WDR75: variants seen among roughly 807,000 people sequenced by gnomAD.
WDR75 encodes WD repeat domain 75.
A neutral mutation model predicts 106.1 loss-of-function variants in WDR75; 52 were observed. The observed-to-expected ratio is 0.49, with a 90% CI of 0.39 to 0.62. The LOEUF (loss-of-function observed/expected upper bound fraction) is 0.62. WDR75 is among the 20% of genes least tolerant of loss of function. WDR75 has a pLI of 0.00. For missense variants in WDR75, 905 were observed against 970.3 expected, an observed-to-expected ratio of 0.93 and a Z score of 0.89; for synonymous variants, 333 against 335.5, an observed-to-expected ratio of 0.99 and a Z score of 0.08.
rs201542295 is a variant in WDR75 at position 189,465,061 on chromosome 2, G to T, written c.1114-18G>T. 6.4e-3 allele frequency: 9,787 copies of T among 1,535,452 alleles called. 35 individuals carry two copies. Among genetic ancestry groups the T allele is most frequent in the Non-Finnish European group, 7.5e-3 (8,583 of 1,139,226 alleles). On this transcript the variant is annotated intron_variant, in intron 11 of 20. Coordinates refer to ENST00000314761, the MANE Select transcript of WDR75 (RefSeq NM_032168.3). ...TGTTAATAAACATTTTGGTTTTTTGGTTTTTTTTACTCATCAGTTAGATAT... is the reference window on the plus strand; with the variant it reads ...TGTTAATAAACATTTTGGTTTTTTGTTTTTTTTTACTCATCAGTTAGATAT...
chr2:189,449,495 T>C lies in WDR75; in HGVS notation c.216+987T>C, dbSNP rs147068446. The C allele has an allele frequency of 1.6e-4, 173 of 1,098,356 alleles. 1 individual carries two copies. In the African/African-American group the frequency reaches 2.6e-3, roughly 17 times the overall value. 68.0% of individuals were successfully genotyped at this position (1,098,356 alleles called of 1,614,324 possible). A position where few individuals can be genotyped will look rare whatever the true frequency, so the allele number is the denominator to read the frequency against. On this transcript the variant is annotated intron_variant, in intron 2 of 20. Transcript: ENST00000314761. ...TTTTAATAGCAAAACTATTATTTTG[T>C]TAAAATTGAAATTTGTGAAGTCCAT...
chr2:189,442,442 C>CTTTTTTTTTTTTTTTTTTTTTTTTTT (rs1188214718), intron 1 of WDR75, among the ~76,000 whole-genome samples: 2 of 73,900 alleles, frequency 2.7e-5, no homozygotes, highest in Non-Finnish European at 4.8e-5. Flanking sequence ...CCACAATATT[C>CTTTTTTTTTTTTTTTTTTTTTTTTTT]TTTTTTTTTT....
At chr2:189,474,643 GA>G in intron 19 of WDR75, 73 bp from the exon 20 acceptor site, 1 of 1,298,618 alleles carries the variant, frequency 7.7e-7, no homozygotes, top group Non-Finnish European at 1.1e-6. Flanking sequence ...GGGACTCCGT[GA>G]GGACACTGTA....
In WDR75 at chr2:189,451,805, A is replaced by G. The variant is rs1558982384; in HGVS notation, c.283A>G (p.Thr95Ala). 2.5e-6 allele frequency: 4 copies of G among 1,613,064 alleles called. No homozygotes were observed. The highest frequency in any genetic ancestry group is 2.5e-6 in the Non-Finnish European group (3 of 1,179,322). ...WDYIDGILIK[T>A]FIVGCKLHAL... The stretch of plus-strand genomic sequence containing the variant: ...CACTATGGTGCTCTTTATCTTTCAG[A>G]CTTTCATAGTTGGATGTAAACTTCA... Residue 95 changes from threonine (T) to alanine (A), a missense_variant and splice_region_variant, in exon 4 of 21, where the codon ACT (threonine) becomes GCT (alanine). Transcript: ENST00000314761.
intron 1 of WDR75, among the ~76,000 whole-genome samples, chr2:189,444,996 A>C (rs754825724): frequency 1.3e-5 from 2 of 152,146 alleles, no homozygotes; most frequent in African/African-American, 4.8e-5. Flanking sequence ...TCACTTTCTC[A>C]ACAAAGATGA....
intron 18 of WDR75, among the ~76,000 whole-genome samples, chr2:189,473,326 AG>A (rs1687151830): frequency 1.3e-5 from 2 of 152,340 alleles, no homozygotes; most frequent in African/African-American, 4.8e-5. Flanking sequence ...AAGGAAGAGA[AG>A]GAGTTGATCT....
intron 2 of WDR75, chr2:189,450,532 G>A: frequency 1.0e-6 from 1 of 974,096 alleles, no homozygotes; most frequent in Non-Finnish European, 1.2e-6. Context: ...GGCCAGGCTG[G>A]TCTCGAACTC....
intron 14 of WDR75, among the ~76,000 whole-genome samples, 184 bp downstream of exon 14, chr2:189,467,832 T>C (rs1687033874): frequency 6.6e-6 from 1 of 152,162 alleles, no homozygotes; most frequent in African/African-American, 2.4e-5. Flanking sequence ...TTTCTGAAAT[T>C]CAGGTTAACA....
Position 189,474,580 on chromosome 2 carries a change from CT to C in WDR75, c.2197-133del. 6.7e-6 allele frequency: 6 copies of C among 895,698 alleles called. No individual in the cohort carries two copies. In the South Asian group the frequency reaches 1.1e-4, roughly 16 times the overall value. The allele number at this position is 895,698 out of a possible 1,614,324, so 55.5% of individuals were successfully genotyped here. On this transcript the variant is annotated intron_variant, in intron 19 of 20. Coordinates refer to ENST00000314761, the MANE Select transcript of WDR75 (RefSeq NM_032168.3). The stretch of plus-strand genomic sequence containing the variant: ...AGAAATGTATTTTTCTTTGGTTTGG[CT>C]TTTGTATAGGGAAAGCCTTTTCATG...
chr2:189,448,642 C>G, intron 2 of WDR75, 134 bp downstream of exon 2: 9 of 1,181,156 alleles, frequency 7.6e-6, no homozygotes, highest in Non-Finnish European at 1.1e-5. Context: ...AGGGTATTTT[C>G]CACTTGCTAA....
chr2:189,457,165 C>T (rs1686754409), intron 5 of WDR75, 146 bp from the exon 6 acceptor site: 5 of 566,404 alleles, frequency 8.8e-6, no homozygotes, highest in East Asian at 3.4e-5. Context: ...CACTTGAACT[C>T]GGGAGGCAGA....
chr2:189,474,996 G>A (rs564490373), intron 20 of WDR75, among the ~76,000 whole-genome samples, 188 bp downstream of exon 20: 2 of 152,248 alleles, frequency 1.3e-5, no homozygotes, highest in East Asian at 3.9e-4. Flanking sequence ...AAAAGATCTT[G>A]TATGTGTGTG....
chr2:189,454,519 ATTTC>A (rs1301233155), intron 4 of WDR75, among the ~76,000 whole-genome samples: 1 of 147,452 alleles, frequency 6.8e-6, no homozygotes, highest in African/African-American at 2.5e-5. Context: ...GTTGATTTGT[ATTTC>A]TTTTGTTTTT....
At chr2:189,441,968 C>T (rs751723866) in intron 1 of WDR75, among the ~76,000 whole-genome samples, 1 of 152,170 alleles carries the variant, frequency 6.6e-6, no homozygotes, top group Non-Finnish European at 1.5e-5. Context: ...GCTTTTTCTA[C>T]CCACTCCTCA....
At position 189,474,270 on chromosome 2, in the gene WDR75, G is replaced by GA. The variant is rs1687169161; in HGVS notation, c.2137dup (p.Thr713AsnfsTer5). On this transcript the variant is annotated frameshift_variant, in exon 19 of 21. Transcript: ENST00000314761. LOFTEE classifies it high-confidence loss of function. Reference sequence around the variant, plus strand: ...GCAACAGCAGGATGAAAAACTAAACGAAACTTTAGAGAATGAGCTGGTACA... The same window carrying GA: ...GCAACAGCAGGATGAAAAACTAAACGAAAACTTTAGAGAATGAGCTGGTACA... 6.2e-7 allele frequency: 1 copy of GA among 1,613,478 alleles called. No homozygotes were observed. Among genetic ancestry groups the GA allele is most frequent in the Non-Finnish European group, 8.5e-7 (1 of 1,179,754 alleles).
intron 11 of WDR75, among the ~76,000 whole-genome samples, chr2:189,464,795 C>T (rs772630803): frequency 2.6e-5 from 4 of 151,992 alleles, no homozygotes; most frequent in Non-Finnish European, 5.9e-5. Flanking sequence ...TATAAATTAA[C>T]GGTTCTGTTG....
intron 4 of WDR75, among the ~76,000 whole-genome samples, chr2:189,452,870 G>A (rs549476499): frequency 5.9e-5 from 9 of 152,132 alleles, no homozygotes; most frequent in Non-Finnish European, 1.2e-4. Context: ...GCTTTAAGAT[G>A]ATAGTGGGGC....
intron 5 of WDR75, among the ~76,000 whole-genome samples, chr2:189,455,961 G>A (rs561819113): frequency 1.3e-4 from 20 of 152,018 alleles, no homozygotes; most frequent in Admixed American, 1.2e-3. Context: ...TATAACTGAT[G>A]TTTTTATACT....
chr2:189,467,676 T>C (rs771009408), intron 14 of WDR75, 28 bp downstream of exon 14: 4 of 1,531,866 alleles, frequency 2.6e-6, no homozygotes, highest in Non-Finnish European at 3.5e-6. Context: ...AAGTATGTAG[T>C]ACTATTTTTT....
Sources: allele counts gnomAD v4.1 joint callset (sites outside exome capture counted in the v4.1 genomes callset), GRCh38; gene constraint gnomAD v4.1.1; transcripts MANE v1.5; gene names NCBI Gene and HGNC (gene_info 2026-07-23, HGNC 2026-07-21).